Variants in VWA5B1 observed in about 807,000 individuals in gnomAD.
VWA5B1 encodes the protein von Willebrand factor A domain-containing protein 5B1.
VWA5B1 carries 115 observed loss-of-function variants against 118.2 expected under a neutral mutation model. The observed-to-expected ratio is 0.97, with a 90% CI of 0.84 to 1.14. The LOEUF (loss-of-function observed/expected upper bound fraction) is 1.14. Among genes scored for constraint, VWA5B1 ranks in the 50% most tolerant of loss-of-function variants. The pLI, the probability that VWA5B1 is intolerant of heterozygous loss-of-function variation, is 0.00. For missense variants in VWA5B1, 1,596 were observed against 1,603.8 expected (o/e 1.00, Z 0.08); for synonymous variants, 682 against 658.4 (o/e 1.04, Z -0.55).
Position 20,350,216 on chromosome 1 carries a change from A to C in VWA5B1, c.2939A>C (p.His980Pro), listed in dbSNP as rs2101018388. ...GCCAGGTCCCCCGGCCGCGAGAAGC[A>C]CGGTGCTTCTGAAGGTGAGTGGGCA... ...SEARSPGREK[H>P]GASEGPQRSL... is the part of the protein sequence containing the mutation. The change falls in exon 19 of 22, where the codon CAC (histidine) becomes CCC (proline). Residue 980 changes from histidine to proline, a missense_variant. Transcript: ENST00000289815. 1 of 1,551,142 alleles carries C rather than the reference A, an allele frequency of 6.4e-7. No individual in the cohort carries two copies. The highest frequency in any genetic ancestry group is 1.4e-5 in the African/African-American group (1 of 73,174).
At chr1:20,331,438 CAA>C (rs2089552235) in intron 11 of VWA5B1, among the ~76,000 whole-genome samples, 1 of 152,160 alleles carries the variant, frequency 6.6e-6, no homozygotes, top group African/African-American at 2.4e-5. Flanking sequence ...GTCCAGTAAA[CAA>C]AGACAGGGCT....
In VWA5B1 at chr1:20,353,758, T is replaced by G. The variant is rs1187677923; in HGVS notation, c.3143T>G (p.Val1048Gly). ...CTGAAGGGCTTCCCCCACACACAGG[T>G]GTCTCTGCAGCTGGCCTCCGGAGCC... Reference protein sequence around the residue: ...GNQSFDYIPLVSLQLASGAFL... With the variant: ...GNQSFDYIPLGSLQLASGAFL... Residue 1048 changes from valine (V) to glycine (G), a missense_variant and splice_region_variant, in exon 22 of 22, where the codon GTG becomes GGG. Coordinates refer to ENST00000289815, the MANE Select transcript of VWA5B1 (RefSeq NM_001039500.3). The G allele has an allele frequency of 6.9e-7, 1 of 1,455,484 alleles. No homozygotes were observed. Among genetic ancestry groups the G allele is most frequent in the Non-Finnish European group, 9.1e-7 (1 of 1,101,344 alleles). The allele number at this position is 1,455,484 out of a possible 1,614,324, so 90.2% of individuals were successfully genotyped here. A position where few individuals can be genotyped will look rare whatever the true frequency, so the allele number is the denominator to read the frequency against.
At chr1:20,351,355 C>CA (rs1476283962) in intron 20 of VWA5B1, among the ~76,000 whole-genome samples, 1 of 151,202 alleles carries the variant, frequency 6.6e-6, no homozygotes, top group Non-Finnish European at 1.5e-5. Flanking sequence ...CCTGTCTCTA[C>CA]AAAAAATTTA....
chr1:20,354,300 G>A lies in VWA5B1; in HGVS notation c.*37G>A. On this transcript the variant is annotated 3_prime_UTR_variant, in exon 22 of 22. Transcript: ENST00000289815. ...GGAGGCTGGGTGGAGGGAAGGGTGG[G>A]GAGGAGAGGGATGGGCAGGGCCATG... The A allele has an allele frequency of 6.9e-7, 1 of 1,450,870 alleles. No homozygotes were observed. Among genetic ancestry groups the A allele is most frequent in the Non-Finnish European group, 9.3e-7 (1 of 1,074,512 alleles). The allele number at this position is 1,450,870 out of a possible 1,614,324, so 89.9% of individuals were successfully genotyped here.
intron 9 of VWA5B1, among the ~76,000 whole-genome samples, chr1:20,329,273 C>CT (rs1557854239): frequency 1.2e-5 from 1 of 84,530 alleles, no homozygotes; most frequent in African/African-American, 4.7e-5. Context: ...TTTTTTTTTT[C>CT]TTTTTTCTTT....
intron 17 of VWA5B1, among the ~76,000 whole-genome samples, chr1:20,347,964 T>C (rs1176455563): frequency 1.3e-5 from 2 of 152,154 alleles, no homozygotes; most frequent in Admixed American, 6.5e-5. Flanking sequence ...CTCTCAGCAA[T>C]AGTATCTACC....
chr1:20,317,755 A>C, intron 5 of VWA5B1, 80 bp downstream of exon 5: 26 of 865,856 alleles, frequency 3.0e-5, no homozygotes, highest in Non-Finnish European at 4.2e-5. Context: ...CGGGGGTGGG[A>C]AGGAAAGCCA....
At chr1:20,330,824 CA>C in intron 10 of VWA5B1, 44 bp from the exon 11 acceptor site, 1 of 1,512,174 alleles carries the variant, frequency 6.6e-7, no homozygotes. Context: ...GGCAAAGATG[CA>C]GAGAGGATAA....
intron 11 of VWA5B1, among the ~76,000 whole-genome samples, chr1:20,332,039 C>T (rs1001477035): frequency 6.6e-6 from 1 of 152,176 alleles, no homozygotes; most frequent in Non-Finnish European, 1.5e-5. Flanking sequence ...ACTACACCCT[C>T]CTACTTTAAC....
Position 20,345,432 on chromosome 1 carries a change from T to G in VWA5B1, c.2627-24T>G, listed in dbSNP as rs771461460. On this transcript the variant is annotated intron_variant, in intron 16 of 21. Coordinates refer to ENST00000289815, the MANE Select transcript of VWA5B1 (RefSeq NM_001039500.3). ...GGGAAGACTTTCTGAGTCCAAACAG[T>G]GACCCCAGTTTCTCCCTCCACAGGG... The G allele has an allele frequency of 4.5e-6, 7 of 1,550,534 alleles. No homozygotes were observed. The South Asian group carries it at 8.3e-5, about 18-fold the overall frequency.
intron 19 of VWA5B1, 107 bp from the exon 20 acceptor site, chr1:20,350,750 T>A: frequency 9.4e-7 from 1 of 1,058,504 alleles, no homozygotes; most frequent in Non-Finnish European, 1.4e-6. Context: ...CCTAGGAACT[T>A]AGCTAAGCAC....
At chr1:20,335,045 A>C (rs1282616037) in intron 12 of VWA5B1, among the ~76,000 whole-genome samples, 2 of 152,164 alleles carry the variant, frequency 1.3e-5, no homozygotes, top group Non-Finnish European at 2.9e-5. Flanking sequence ...ATGGTGGCTC[A>C]CACCTGTAAT....
intron 1 of VWA5B1, among the ~76,000 whole-genome samples, chr1:20,307,413 C>G (rs564887721): frequency 6.6e-6 from 1 of 152,240 alleles, no homozygotes; most frequent in East Asian, 1.9e-4. Flanking sequence ...GTCCTACACG[C>G]ACACCCATTT....
intron 8 of VWA5B1, among the ~76,000 whole-genome samples, chr1:20,325,401 G>A (rs1469135001): frequency 6.6e-6 from 1 of 152,178 alleles, no homozygotes; most frequent in East Asian, 1.9e-4. Context: ...AATTCAGGCA[G>A]AGTGAACGTA....
At chr1:20,307,257 C>G (rs974241220) in intron 1 of VWA5B1, among the ~76,000 whole-genome samples, 3 of 152,224 alleles carry the variant, frequency 2.0e-5, no homozygotes, top group African/African-American at 2.4e-5. Flanking sequence ...GGCCTCGTCC[C>G]TGTCCCTGGG....
At chr1:20,310,387 G>T (rs1022840013) in intron 1 of VWA5B1, among the ~76,000 whole-genome samples, 189 bp from the exon 2 acceptor site, 1 of 152,152 alleles carries the variant, frequency 6.6e-6, no homozygotes, top group African/African-American at 2.4e-5. Context: ...GGAAGAGAAC[G>T]GCCACTTCTC....
At chr1:20,340,199 G>GC (rs1553121623) in intron 14 of VWA5B1, among the ~76,000 whole-genome samples, 6 of 148,772 alleles carry the variant, frequency 4.0e-5, no homozygotes, top group African/African-American at 1.5e-4. Context: ...ATATGTGCGC[G>GC]CACACACACA....
chr1:20,318,443 C>A, intron 5 of VWA5B1, 147 bp from the exon 6 acceptor site: 3 of 1,145,842 alleles, frequency 2.6e-6, no homozygotes, highest in African/African-American at 1.5e-5. Flanking sequence ...TTGAGGCAGC[C>A]TGGCCATGGT....
At chr1:20,345,364 C>A (rs2089984413) in intron 16 of VWA5B1, 92 bp from the exon 17 acceptor site, 1 of 1,518,670 alleles carries the variant, frequency 6.6e-7, no homozygotes, top group East Asian at 2.5e-5. Context: ...ATGGGGACCA[C>A]TTAGGTAGAG....
Sources: allele counts gnomAD v4.1 joint callset (sites outside exome capture counted in the v4.1 genomes callset), GRCh38; gene constraint gnomAD v4.1.1; transcripts MANE v1.5; gene names NCBI Gene and HGNC (gene_info 2026-07-23, HGNC 2026-07-21).